ZHX2: variants seen among roughly 807,000 people sequenced by gnomAD.
ZHX2 encodes zinc fingers and homeoboxes 2, also known as zinc fingers and homeoboxes protein 2.
ZHX2 carries 6 observed loss-of-function variants against 21.9 expected under a neutral mutation model. The ratio of observed to expected loss-of-function variants is 0.27; its 90% confidence interval spans 0.15 to 0.54. The LOEUF is 0.54. Among genes scored for constraint, ZHX2 ranks in the 20% least tolerant of loss-of-function variants. ZHX2 has a pLI of 0.95. For synonymous variants in ZHX2, 434 were observed against 437.1 expected (o/e 0.99, Z 0.09); for missense variants, 908 against 1,090.7 (o/e 0.83, Z 2.36).
At chr8:122,910,430 C>T (rs1820449299) in intron 2 of ZHX2, among the ~76,000 whole-genome samples, 1 of 152,130 alleles carries the variant, frequency 6.6e-6, no homozygotes, top group Non-Finnish European at 1.5e-5. Context: ...CTGGCTAATG[C>T]AGTGTTTCTC....
intron 1 of ZHX2, among the ~76,000 whole-genome samples, chr8:122,847,946 G>A (rs1206122137): frequency 6.6e-6 from 1 of 152,208 alleles, no homozygotes; most frequent in Non-Finnish European, 1.5e-5. Context: ...TCACATCATA[G>A]TACAACTCTG....
chr8:122,922,167 CCTT>C (rs1820755623), intron 2 of ZHX2, among the ~76,000 whole-genome samples: 1 of 151,500 alleles, frequency 6.6e-6, no homozygotes, highest in African/African-American at 2.4e-5. Context: ...CCCACCAACA[CCTT>C]CTTATCCCTC....
intron 3 of ZHX2, among the ~76,000 whole-genome samples, chr8:122,972,128 A>T (rs182092206): frequency 1.7e-4 from 26 of 152,208 alleles, no homozygotes; most frequent in Non-Finnish European, 3.1e-4. Flanking sequence ...CCCTCTATGC[A>T]CATCTGTCTC....
At chr8:122,821,343 G>A (rs911395466) in intron 1 of ZHX2, among the ~76,000 whole-genome samples, 5 of 152,152 alleles carry the variant, frequency 3.3e-5, no homozygotes, top group Non-Finnish European at 5.9e-5. Flanking sequence ...GGCCAGCTCC[G>A]TGGGCATCTG....
intron 2 of ZHX2, among the ~76,000 whole-genome samples, chr8:122,934,384 A>C (rs1198931647): frequency 1.3e-5 from 2 of 152,186 alleles, no homozygotes; most frequent in African/African-American, 4.8e-5. Context: ...AAGACACTTC[A>C]CTCACCTGCC....
At chr8:122,792,107 C>G (rs946869819) in intron 1 of ZHX2, among the ~76,000 whole-genome samples, 7 of 152,130 alleles carry the variant, frequency 4.6e-5, no homozygotes, top group Non-Finnish European at 8.8e-5. Flanking sequence ...ATCCTGTGTA[C>G]CCATTAGCAG....
chr8:122,833,076 T>C (rs1019733429), intron 1 of ZHX2, among the ~76,000 whole-genome samples: 2 of 152,076 alleles, frequency 1.3e-5, no homozygotes, highest in African/African-American at 4.8e-5. Context: ...GGTGTCAGGA[T>C]TTTCCCACAT....
intron 2 of ZHX2, among the ~76,000 whole-genome samples, chr8:122,946,233 C>T (rs1474578362): frequency 6.6e-6 from 1 of 152,154 alleles, no homozygotes; most frequent in Non-Finnish European, 1.5e-5. Flanking sequence ...CTGGTCCTCA[C>T]CTTGCTGGTG....
chr8:122,965,431 T>C (rs934397045), intron 3 of ZHX2, among the ~76,000 whole-genome samples: 1 of 152,230 alleles, frequency 6.6e-6, no homozygotes, highest in Non-Finnish European at 1.5e-5. Flanking sequence ...GAGCGTATCA[T>C]TTAACTTCCA....
intron 1 of ZHX2, among the ~76,000 whole-genome samples, chr8:122,816,744 C>A (rs1818044120): frequency 6.6e-6 from 1 of 151,998 alleles, no homozygotes; most frequent in Non-Finnish European, 1.5e-5. Context: ...TTCCAATTAT[C>A]ATTTTAGAGA....
chr8:122,902,759 T>C (rs1336255525), intron 2 of ZHX2, among the ~76,000 whole-genome samples: 2 of 152,230 alleles, frequency 1.3e-5, no homozygotes, highest in Admixed American at 6.5e-5. Context: ...TACATAGTAC[T>C]GAATAATGTT....
intron 2 of ZHX2, among the ~76,000 whole-genome samples, chr8:122,907,572 C>T (rs1820379383): frequency 1.3e-5 from 2 of 152,106 alleles, no homozygotes; most frequent in African/African-American, 4.8e-5. Flanking sequence ...AATATTTTCC[C>T]TTCACATTCA....
chr8:122,934,229 G>A (rs963448218), intron 2 of ZHX2, among the ~76,000 whole-genome samples: 1 of 152,106 alleles, frequency 6.6e-6, no homozygotes, highest in Non-Finnish European at 1.5e-5. Context: ...CCTACAACTG[G>A]AAGTGTCGGA....
At chr8:122,802,160 T>C (rs972328732) in intron 1 of ZHX2, among the ~76,000 whole-genome samples, 1 of 152,062 alleles carries the variant, frequency 6.6e-6, no homozygotes, top group Non-Finnish European at 1.5e-5. Flanking sequence ...ACCTCCCCGG[T>C]TCCAGCGATT....
chr8:122,907,206 A>G (rs1343983055), intron 2 of ZHX2, among the ~76,000 whole-genome samples: 3 of 152,186 alleles, frequency 2.0e-5, no homozygotes, highest in Non-Finnish European at 4.4e-5. Context: ...TGACAGCCTC[A>G]GGAAGTCCTG....
intron 1 of ZHX2, among the ~76,000 whole-genome samples, chr8:122,833,350 A>G (rs1818420403): frequency 6.6e-6 from 1 of 152,000 alleles, no homozygotes; most frequent in African/African-American, 2.4e-5. Context: ...GCGACTGGTG[A>G]GGAGGTGAGA....
At chr8:122,873,403 C>A (rs1285445510) in intron 2 of ZHX2, among the ~76,000 whole-genome samples, 1 of 152,164 alleles carries the variant, frequency 6.6e-6, no homozygotes, top group East Asian at 1.9e-4. Flanking sequence ...TGGGCAGTAT[C>A]CTCTGTATGC....
chr8:122,940,191 G>A (rs1291347887), intron 2 of ZHX2, among the ~76,000 whole-genome samples: 2 of 152,200 alleles, frequency 1.3e-5, no homozygotes, highest in Non-Finnish European at 1.5e-5. Context: ...CAAACTGGGG[G>A]TGCTGGCTTC....
intron 2 of ZHX2, among the ~76,000 whole-genome samples, chr8:122,902,116 T>C (rs1820244640): frequency 6.6e-6 from 1 of 152,212 alleles, no homozygotes; most frequent in Non-Finnish European, 1.5e-5. Context: ...CACATTTGTC[T>C]TCATGGAATC....
Sources: gnomAD v4.1 joint callset for allele counts (sites outside exome capture counted in the v4.1 genomes callset) on GRCh38, gnomAD v4.1.1 for gene constraint, MANE v1.5 for transcripts, NCBI Gene and HGNC (gene_info 2026-07-23, HGNC 2026-07-21) for gene names.